Variants in ZNF552 observed in about 807,000 individuals in gnomAD.
ZNF552 encodes zinc finger protein 552.
ZNF552 carries 2 observed loss-of-function variants against 7.2 expected under a neutral mutation model. The ratio of observed to expected loss-of-function variants is 0.28; its 90% CI spans 0.11 to 0.88. The LOEUF (loss-of-function observed/expected upper bound fraction) is 0.88. ZNF552 is among the 40% of genes least tolerant of loss of function. The pLI, the probability that ZNF552 is intolerant of heterozygous loss-of-function variation, is 0.60. For synonymous variants in ZNF552, 173 were observed against 176.5 expected, an observed-to-expected ratio of 0.98 and a Z score of 0.16; for missense variants, 421 against 493.4, an observed-to-expected ratio of 0.85 and a Z score of 1.39.
In ZNF552 at chr19:57,814,883, C is replaced by G. The variant is rs1987932113; in HGVS notation, c.-140G>C. 2.3e-6 allele frequency: 2 copies of G among 855,038 alleles called. No individual in the cohort carries two copies. The highest frequency in any genetic ancestry group is 2.9e-5 in the Admixed American group (1 of 34,378). The allele number at this position is 855,038 out of a possible 1,614,324, so 53.0% of individuals were successfully genotyped here. On this transcript the variant is annotated 5_prime_UTR_variant, in exon 1 of 3. Transcript: ENST00000391701. ...CGGTCCCAACACAGCGCTCCAAGGA[C>G]TCCCTAACGCCAATGGAAATGGTCG...
intron 2 of ZNF552, among the ~76,000 whole-genome samples, chr19:57,812,101 T>G (rs934088509): frequency 1.6e-4 from 24 of 150,258 alleles, no homozygotes; most frequent in South Asian, 4.2e-4. Context: ...CTCAGGAGGC[T>G]GAAGCAGGAG....
chr19:57,808,933 C>T lies in ZNF552; in HGVS notation c.331G>A (p.Gly111Arg), dbSNP rs1224073582. The change falls in exon 3 of 3, where the codon GGA (glycine) becomes AGA (arginine). Residue 111 changes from glycine to arginine, a missense_variant. By Grantham distance (125) the Gly-to-Arg change is moderately radical. This residue lies in a region of ZNF552 where 122 missense variants were observed against 199.7 expected (regional missense o/e 0.61). Coordinates refer to ENST00000391701, the MANE Select transcript of ZNF552 (RefSeq NM_024762.3). ...TGCAGTTTCTGCTTGTGATGTGTTC[C>T]CTGATGATCTGCCACATGCAAAATG... ...GDILHVADHQ[G>R]THHKQKLHRC... 6.2e-7 allele frequency: 1 copy of T among 1,607,612 alleles called. No individual in the cohort carries two copies. Among genetic ancestry groups the T allele is most frequent in the African/African-American group, 1.3e-5 (1 of 74,356 alleles).
At position 57,808,274 on chromosome 19, in the gene ZNF552, C is replaced by G; in HGVS notation, c.990G>C (p.Gly330=). 6.2e-7 allele frequency: 1 copy of G among 1,614,018 alleles called. No individual in the cohort carries two copies. The highest frequency in any genetic ancestry group is 8.5e-7 in the Non-Finnish European group (1 of 1,179,992). ...GERPYECSDC[G]KSFTHSSTFR... is the part of the protein sequence containing the mutation. ...ATGTAGAGCTGTGGGTAAATGACTTCCCACAATCACTGCATTCATATGGCC... is the reference window on the plus strand; with the variant it reads ...ATGTAGAGCTGTGGGTAAATGACTTGCCACAATCACTGCATTCATATGGCC... Residue 330 remains glycine, a synonymous_variant, in exon 3 of 3, where the codon GGG becomes GGC. Transcript: ENST00000391701.
In ZNF552 at chr19:57,808,935, T is replaced by A; in HGVS notation, c.329A>T (p.Gln110Leu). ...LGDILHVADH[Q>L]GTHHKQKLHR... is the part of the protein sequence containing the mutation. Reference sequence around the variant, plus strand: ...CAGTTTCTGCTTGTGATGTGTTCCCTGATGATCTGCCACATGCAAAATGTC... The same window carrying A: ...CAGTTTCTGCTTGTGATGTGTTCCCAGATGATCTGCCACATGCAAAATGTC... The change falls in exon 3 of 3, where the codon CAG (glutamine) becomes CTG (leucine). Residue 110 changes from glutamine to leucine, a missense_variant. Transcript: ENST00000391701. 1 of 1,607,230 alleles carries A rather than the reference T, an allele frequency of 6.2e-7. No homozygotes were observed. The highest frequency in any genetic ancestry group is 1.1e-5 in the South Asian group (1 of 90,718).
intron 2 of ZNF552, among the ~76,000 whole-genome samples, chr19:57,811,776 A>G (rs1279413750): frequency 2.0e-5 from 3 of 151,036 alleles, no homozygotes; most frequent in Non-Finnish European, 2.9e-5. Flanking sequence ...CATGCCTGTA[A>G]TCCCAGCACT....
chr19:57,808,072 G>C lies in ZNF552; in HGVS notation c.1192C>G (p.His398Asp). 6.2e-7 allele frequency: 1 copy of C among 1,613,548 alleles called. No individual in the cohort carries two copies. The highest frequency in any genetic ancestry group is 8.5e-7 in the Non-Finnish European group (1 of 1,179,764). ...CCCTTTCTTTTGTGAACTCTCTGAT[G>C]ATGACGAAGTGAAGAGATTTGCCTA... ...KFRQISSLRH[H>D]QRVHKRKGL Residue 398 changes from histidine (H) to aspartate (D), a missense_variant, in exon 3 of 3, where the codon CAT (histidine) becomes GAT (aspartate). His to Asp is a moderately conservative substitution (Grantham distance 81). Around this residue, in one of 2 missense-constraint regions of ZNF552, gnomAD observed 299 missense variants for 293.7 expected, o/e 1.02. Coordinates refer to ENST00000391701, the MANE Select transcript of ZNF552 (RefSeq NM_024762.3).
In ZNF552 at chr19:57,808,338, T is replaced by C. The variant is rs778933689; in HGVS notation, c.926A>G (p.Tyr309Cys). The C allele has an allele frequency of 3.1e-6, 5 of 1,613,330 alleles. No homozygotes were observed. Residue 309 changes from tyrosine to cysteine, a missense_variant, in exon 3 of 3, where the codon TAC (tyrosine) becomes TGC (cysteine). This residue lies in a region of ZNF552 where 299 missense variants were observed against 293.7 expected (regional missense o/e 1.02). Transcript: ENST00000391701. ...AACTCTCTGGTGTGCAATGAGGTGG[T>C]ACTTGTGCCTAAAAAATTTCTGACA... ...EVCQKFFRHK[Y>C]HLIAHQRVHT...
chr19:57,811,102 G>T (rs376937295), intron 2 of ZNF552, among the ~76,000 whole-genome samples: 3 of 152,046 alleles, frequency 2.0e-5, no homozygotes, highest in Admixed American at 2.0e-4. Context: ...GACTGGTGGC[G>T]GCAGGGGGAA....
intron 2 of ZNF552, among the ~76,000 whole-genome samples, chr19:57,811,715 CA>C (rs1162967437): frequency 1.8e-3 from 89 of 49,704 alleles, no homozygotes; most frequent in East Asian, 8.4e-3. Flanking sequence ...AACTCCATCT[CA>C]AAAAAAAAAA....
In ZNF552 at chr19:57,814,311, CT is replaced by C. The variant is rs1460762100; in HGVS notation, c.33+399del. 5 of 610,720 alleles carry C rather than the reference CT, an allele frequency of 8.2e-6. No individual in the cohort carries two copies. The African/African-American group carries it at 9.3e-5, about 11-fold the overall frequency. 37.8% of individuals were successfully genotyped at this position (610,720 alleles called of 1,614,324 possible). A position where few individuals can be genotyped will look rare whatever the true frequency, so the allele number is the denominator to read the frequency against. On this transcript the variant is annotated intron_variant, in intron 1 of 2. Transcript: ENST00000391701. ...CTCTCTACTCTGTTATTTATTTGGC[CT>C]TTAGGAAACTTTAAAAGCCTGGACT...
rs1987757990 is a variant in ZNF552 at position 57,807,193 on chromosome 19, TCCAGGTG to T, written c.*840_*846del. 1 of 152,148 alleles carries T rather than the reference TCCAGGTG, an allele frequency of 6.6e-6. No individual in the cohort carries two copies. Among genetic ancestry groups the T allele is most frequent in the African/African-American group, 2.4e-5 (1 of 41,424 alleles). The allele number at this position is 152,148 out of a possible 1,614,324, so 9.4% of individuals were successfully genotyped here. A position where few individuals can be genotyped will look rare whatever the true frequency, so the allele number is the denominator to read the frequency against. The stretch of plus-strand genomic sequence containing the variant: ...GCATAGAGAAAAACTTTATAAAGGC[TCCAGGTG>T]AATACAAAGGTGATAGATTAGATAA... On this transcript the variant is annotated 3_prime_UTR_variant, in exon 3 of 3. Transcript: ENST00000391701.
At position 57,808,309 on chromosome 19, in the gene ZNF552, T is replaced by C. The variant is rs1987781695; in HGVS notation, c.955A>G (p.Thr319Ala). The change falls in exon 3 of 3, where the codon ACT (threonine) becomes GCT (alanine). Residue 319 changes from threonine (T) to alanine (A), a missense_variant. Coordinates refer to ENST00000391701, the MANE Select transcript of ZNF552 (RefSeq NM_024762.3). Reference protein sequence around the residue: ...YHLIAHQRVHTGERPYECSDC... With the variant: ...YHLIAHQRVHAGERPYECSDC... Reference sequence around the variant, plus strand: ...CTGCATTCATATGGCCTTTCTCCAGTGTGAACTCTCTGGTGTGCAATGAGG... The same window carrying C: ...CTGCATTCATATGGCCTTTCTCCAGCGTGAACTCTCTGGTGTGCAATGAGG... The C allele has an allele frequency of 2.5e-6, 4 of 1,614,082 alleles. No individual in the cohort carries two copies. Among genetic ancestry groups the C allele is most frequent in the Admixed American group, 1.7e-5 (1 of 59,992 alleles).
Position 57,807,108 on chromosome 19 carries a change from C to T in ZNF552, c.*932G>A, listed in dbSNP as rs1207286858. ...TATAAGAGGAAACACTTTATTACAT[C>T]AGTCAGAAAATTCTAGAAAATGGAA... On this transcript the variant is annotated 3_prime_UTR_variant, in exon 3 of 3. Transcript: ENST00000391701. 6.6e-6 allele frequency: 1 copy of T among 152,128 alleles called. No homozygotes were observed. Among genetic ancestry groups the T allele is most frequent in the Non-Finnish European group, 1.5e-5 (1 of 68,026 alleles). The allele number at this position is 152,128 out of a possible 1,614,324, so 9.4% of individuals were successfully genotyped here.
At position 57,808,412 on chromosome 19, in the gene ZNF552, A is replaced by G. The variant is rs780645764; in HGVS notation, c.852T>C (p.Leu284=). The G allele has an allele frequency of 2.7e-5, 44 of 1,613,746 alleles. No individual in the cohort carries two copies. Among genetic ancestry groups the G allele is most frequent in the Non-Finnish European group, 3.4e-5 (40 of 1,179,886 alleles). ...CTCCAGTGTGAATTCTCTGGTGTAC[A>G]AGGAGGTGGGACTTACTGTTAAATA... ...GKLFNSKSHL[L]VHQRIHTGEK... Residue 284 remains leucine, a synonymous_variant, in exon 3 of 3, where the codon CTT becomes CTC. Transcript: ENST00000391701.
intron 2 of ZNF552, among the ~76,000 whole-genome samples, chr19:57,811,299 G>C (rs534841637): frequency 6.6e-6 from 1 of 151,988 alleles, no homozygotes; most frequent in South Asian, 2.1e-4. Flanking sequence ...CAGCCTCTCC[G>C]AGTAGCTGGG....
chr19:57,812,955 C>T, intron 2 of ZNF552: 1 of 350,346 alleles, frequency 2.9e-6, no homozygotes, highest in East Asian at 5.0e-5. Context: ...CAATTCCTGG[C>T]ACAGGGAGGC....
At position 57,807,720 on chromosome 19, in the gene ZNF552, A is replaced by C; in HGVS notation, c.*320T>G. The C allele has an allele frequency of 3.8e-6, 1 of 261,806 alleles. No homozygotes were observed. Among genetic ancestry groups the C allele is most frequent in the South Asian group, 8.0e-5 (1 of 12,450 alleles). The allele number at this position is 261,806 out of a possible 1,614,324, so 16.2% of individuals were successfully genotyped here. On this transcript the variant is annotated 3_prime_UTR_variant, in exon 3 of 3. Transcript: ENST00000391701. ...CTGCAACCTCTGCCTCCCAGGCTCAAGCAAATCCTCCCATGTAGCAATCCT... is the reference window on the plus strand; with the variant it reads ...CTGCAACCTCTGCCTCCCAGGCTCACGCAAATCCTCCCATGTAGCAATCCT...
chr19:57,814,729 C>T lies in ZNF552; in HGVS notation c.15G>A (p.Ala5=). 1 of 1,613,920 alleles carries T rather than the reference C, an allele frequency of 6.2e-7. No individual in the cohort carries two copies. The highest frequency in any genetic ancestry group is 8.5e-7 in the Non-Finnish European group (1 of 1,179,984). MAAA[A]LRFPVQGTVT... The stretch of plus-strand genomic sequence containing the variant: ...CAATTACCTGAACGGGGAACCTTAG[C>T]GCGGCCGCCGCCATGGGACCACGTG... The change falls in exon 1 of 3, where the codon GCG becomes GCA. Residue 5 remains alanine (A), a synonymous_variant. Transcript: ENST00000391701.
chr19:57,808,078 G>T lies in ZNF552; in HGVS notation c.1186C>A (p.Arg396Ser). 6.2e-7 allele frequency: 1 copy of T among 1,613,680 alleles called. No homozygotes were observed. The highest frequency in any genetic ancestry group is 8.5e-7 in the Non-Finnish European group (1 of 1,179,866). The change falls in exon 3 of 3, where the codon CGT becomes AGT. Residue 396 changes from arginine (R) to serine (S), a missense_variant. Physicochemically the swap from Arg to Ser is moderately radical, Grantham distance 110. Transcript: ENST00000391701. ...CTTTTGTGAACTCTCTGATGATGAC[G>T]AAGTGAAGAGATTTGCCTAAATTTT... ...EKKFRQISSL[R>S]HHQRVHKRKG...
Sources: gnomAD v4.1 joint callset for allele counts (sites outside exome capture counted in the v4.1 genomes callset) on GRCh38, gnomAD v4.1.1 for gene constraint, gnomAD v4.1.1 regional missense constraint, MANE v1.5 for transcripts, NCBI Gene and HGNC (gene_info 2026-07-23, HGNC 2026-07-21) for gene names.